The following TTC28 variants were observed in gnomAD, a reference collection of about 807,000 sequenced individuals.
TTC28 encodes the protein tetratricopeptide repeat domain 28.
TTC28 carries 61 observed loss-of-function variants against 198.0 expected under a neutral mutation model. The ratio of observed to expected loss-of-function variants is 0.31; its 90% confidence interval spans 0.25 to 0.38. The LOEUF (loss-of-function observed/expected upper bound fraction) is 0.38, where lower values mean the gene tolerates loss of function less well. TTC28 is among the 10% of genes least tolerant of loss of function. The pLI is 1.00. For missense variants in TTC28, 2,678 were observed against 3,164.0 expected (o/e 0.85, Z 3.69); for synonymous variants, 1,171 against 1,297.8 (o/e 0.90, Z 2.10).
intron 2 of TTC28, among the ~76,000 whole-genome samples, chr22:28,343,192 T>C (rs1393912721): frequency 5.3e-5 from 8 of 152,066 alleles, no homozygotes; most frequent in Admixed American, 4.6e-4. Context: ...CAACGGAGAT[T>C]AGACAGAAAA....
chr22:28,582,900 G>A (rs1256456583), intron 2 of TTC28, among the ~76,000 whole-genome samples: 3 of 152,134 alleles, frequency 2.0e-5, no homozygotes, highest in Admixed American at 2.0e-4. Flanking sequence ...CATTCCAGGT[G>A]ATATGTCAGT....
intron 5 of TTC28, among the ~76,000 whole-genome samples, chr22:28,274,261 T>C (rs1023841714): frequency 6.6e-6 from 1 of 152,220 alleles, no homozygotes; most frequent in African/African-American, 2.4e-5. Context: ...ATTTAAAAAT[T>C]ATTTGTGTAC....
chr22:28,363,471 T>A (rs1435922750), intron 2 of TTC28, among the ~76,000 whole-genome samples: 4 of 152,124 alleles, frequency 2.6e-5, no homozygotes, highest in Non-Finnish European at 4.4e-5. Flanking sequence ...GCTAGGGCAG[T>A]ATGGAAGGAA....
At chr22:28,199,081 T>C (rs186563558) in intron 5 of TTC28, among the ~76,000 whole-genome samples, 1 of 152,154 alleles carries the variant, frequency 6.6e-6, no homozygotes, top group East Asian at 1.9e-4. Flanking sequence ...AAATCTTTCT[T>C]TAAAAGCATA....
At chr22:27,985,533 C>G (rs186471850) in intron 21 of TTC28, among the ~76,000 whole-genome samples, 177 bp from the exon 22 acceptor site, 1 of 152,190 alleles carries the variant, frequency 6.6e-6, no homozygotes, top group Non-Finnish European at 1.5e-5. Context: ...GCAGAGGGGT[C>G]GGGCTGCCCC....
chr22:28,464,618 GA>G (rs2047994346), intron 2 of TTC28, among the ~76,000 whole-genome samples: 1 of 151,614 alleles, frequency 6.6e-6, no homozygotes, highest in Non-Finnish European at 1.5e-5. Context: ...ACTTTGGAAG[GA>G]AAAAAAATCT....
chr22:28,633,590 T>C (rs1011591184), intron 1 of TTC28, among the ~76,000 whole-genome samples: 1 of 152,096 alleles, frequency 6.6e-6, no homozygotes, highest in African/African-American at 2.4e-5. Context: ...ATCATGCCAC[T>C]TGCACTTCAG....
intron 2 of TTC28, among the ~76,000 whole-genome samples, chr22:28,607,066 G>A (rs2050747261): frequency 6.6e-6 from 1 of 152,126 alleles, no homozygotes; most frequent in Non-Finnish European, 1.5e-5. Context: ...TCTCTGTGAA[G>A]ACAGAGGGAT....
intron 5 of TTC28, among the ~76,000 whole-genome samples, chr22:28,222,872 G>C (rs1927996902): frequency 6.6e-6 from 1 of 152,072 alleles, no homozygotes; most frequent in African/African-American, 2.4e-5. Context: ...CCTAGAAATG[G>C]GAACAAATTA....
intron 2 of TTC28, among the ~76,000 whole-genome samples, chr22:28,553,687 C>T (rs1469310335): frequency 2.0e-5 from 3 of 152,118 alleles, no homozygotes; most frequent in South Asian, 2.1e-4. Flanking sequence ...CCAGCCGCCC[C>T]GTCCGGGAGG....
At chr22:28,293,622 G>T (rs2044830459) in intron 5 of TTC28, among the ~76,000 whole-genome samples, 1 of 151,922 alleles carries the variant, frequency 6.6e-6, no homozygotes. Context: ...GATATGAAAT[G>T]TTCCCCCCCT....
At chr22:28,040,566 G>A (rs1939586297) in intron 12 of TTC28, among the ~76,000 whole-genome samples, 1 of 152,040 alleles carries the variant, frequency 6.6e-6, no homozygotes, top group African/African-American at 2.4e-5. Flanking sequence ...CAATAAACTA[G>A]GTATTGATGG....
intron 1 of TTC28, among the ~76,000 whole-genome samples, chr22:28,656,105 C>T (rs374111293): frequency 1.3e-5 from 2 of 152,178 alleles, no homozygotes; most frequent in Admixed American, 1.3e-4. Context: ...AAGCAGCTAC[C>T]ACCCCTAAGG....
intron 2 of TTC28, among the ~76,000 whole-genome samples, chr22:28,591,419 T>C (rs1023278037): frequency 7.9e-5 from 12 of 152,150 alleles, no homozygotes; most frequent in African/African-American, 2.7e-4. Flanking sequence ...AAGAATCTTG[T>C]TTGATTCTCA....
At chr22:28,607,727 A>G (rs1218938086) in intron 2 of TTC28, among the ~76,000 whole-genome samples, 1 of 152,182 alleles carries the variant, frequency 6.6e-6, no homozygotes, top group Non-Finnish European at 1.5e-5. Flanking sequence ...TTACCTTTAA[A>G]ATACAGATAG....
chr22:28,576,960 CACTTT>C (rs1290706220), intron 2 of TTC28, among the ~76,000 whole-genome samples: 1 of 151,826 alleles, frequency 6.6e-6, no homozygotes, highest in African/African-American at 2.4e-5. Context: ...TCTTTCACTT[CACTTT>C]CATTTATTTC....
At chr22:28,543,464 AC>A (rs1428349300) in intron 2 of TTC28, among the ~76,000 whole-genome samples, 2 of 151,292 alleles carry the variant, frequency 1.3e-5, no homozygotes. Context: ...GAGGAGATGA[AC>A]AACAACAGGA....
At chr22:28,036,421 G>C (rs1227429792) in intron 12 of TTC28, among the ~76,000 whole-genome samples, 1 of 152,094 alleles carries the variant, frequency 6.6e-6, no homozygotes, top group African/African-American at 2.4e-5. Flanking sequence ...AATGATTACT[G>C]GGTACGTAAC....
chr22:28,660,592 C>T (rs1180593233), intron 1 of TTC28, among the ~76,000 whole-genome samples: 2 of 152,016 alleles, frequency 1.3e-5, no homozygotes, highest in Admixed American at 6.6e-5. Flanking sequence ...TGGCGCTATT[C>T]GGCTCACTGC....
Sources: gnomAD v4.1 joint callset for allele counts (sites outside exome capture counted in the v4.1 genomes callset) on GRCh38, gnomAD v4.1.1 for gene constraint, MANE v1.5 for transcripts, NCBI Gene and HGNC (gene_info 2026-07-23, HGNC 2026-07-21) for gene names.